The following AGMO variants were observed in gnomAD, a reference collection of about 807,000 sequenced individuals.
AGMO encodes the protein glyceryl-ether monooxygenase.
A neutral mutation model predicts 60.2 loss-of-function variants in AGMO; 75 were observed. The ratio of observed to expected loss-of-function variants is 1.25; its 90% CI spans 1.03 to 1.51. AGMO has a LOEUF of 1.51. AGMO is among the 40% of genes most tolerant of loss of function. The pLI, the probability that AGMO is intolerant of heterozygous loss-of-function variation, is 0.00. For synonymous variants in AGMO, 261 were observed against 177.1 expected (o/e 1.47, Z -3.76); for missense variants, 763 against 525.5 (o/e 1.45, Z -4.42).
intron 3 of AGMO, among the ~76,000 whole-genome samples, chr7:15,492,961 C>T (rs1783108142): frequency 6.6e-6 from 1 of 152,068 alleles, no homozygotes; most frequent in Non-Finnish European, 1.5e-5. Context: ...TATGATGGGA[C>T]ATTCAGAATG....
intron 12 of AGMO, among the ~76,000 whole-genome samples, chr7:15,265,495 T>C (rs1783406326): frequency 6.6e-6 from 1 of 152,006 alleles, no homozygotes; most frequent in Non-Finnish European, 1.5e-5. Context: ...ACAATGTTTA[T>C]ATTATTAAAA....
intron 3 of AGMO, among the ~76,000 whole-genome samples, chr7:15,447,144 A>G (rs1360342966): frequency 6.6e-6 from 1 of 152,226 alleles, no homozygotes; most frequent in Non-Finnish European, 1.5e-5. Context: ...AAGAAATTGA[A>G]AAGTCAAAGT....
chr7:15,361,026 G>A (rs1782730893), intron 12 of AGMO, among the ~76,000 whole-genome samples: 1 of 152,156 alleles, frequency 6.6e-6, no homozygotes, highest in Non-Finnish European at 1.5e-5. Context: ...TAGAATATTG[G>A]CATTTTTAAA....
chr7:15,426,824 A>C (rs1781078214), intron 4 of AGMO, among the ~76,000 whole-genome samples: 1 of 152,106 alleles, frequency 6.6e-6, no homozygotes, highest in Non-Finnish European at 1.5e-5. Flanking sequence ...AGGTAATGGC[A>C]TGTGCAAAGA....
At chr7:15,381,479 C>A (rs1006988876) in intron 10 of AGMO, among the ~76,000 whole-genome samples, 8 of 151,936 alleles carry the variant, frequency 5.3e-5, no homozygotes, top group African/African-American at 1.9e-4. Context: ...CAATGGTGTA[C>A]CATCTCCCAC....
At chr7:15,517,722 G>C (rs550368611) in intron 3 of AGMO, among the ~76,000 whole-genome samples, 1 of 152,226 alleles carries the variant, frequency 6.6e-6, no homozygotes, top group East Asian at 1.9e-4. Context: ...TGGGTTTCAA[G>C]CACAAAATTG....
At chr7:15,328,169 C>G (rs996225516) in intron 12 of AGMO, among the ~76,000 whole-genome samples, 7 of 152,050 alleles carry the variant, frequency 4.6e-5, no homozygotes, top group African/African-American at 1.7e-4. Context: ...ACAATTTTGT[C>G]TCACTGCAAC....
chr7:15,228,304 G>A (rs966603094), intron 12 of AGMO, among the ~76,000 whole-genome samples: 1 of 151,942 alleles, frequency 6.6e-6, no homozygotes, highest in Admixed American at 6.6e-5. Context: ...CTTTCCAAAC[G>A]ATAAAAATAC....
chr7:15,158,940 T>C, the AGMO span, among the ~76,000 whole-genome samples: 1 of 152,118 alleles, frequency 6.6e-6, no homozygotes, highest in Non-Finnish European at 1.5e-5. Flanking sequence ...GTATCCAGAA[T>C]TGGATTCCAT....
chr7:15,353,202 C>T (rs1782323981), intron 12 of AGMO, among the ~76,000 whole-genome samples: 1 of 152,052 alleles, frequency 6.6e-6, no homozygotes, highest in Non-Finnish European at 1.5e-5. Flanking sequence ...CGTAATTCAC[C>T]ACGCTGACGT....
At chr7:15,553,186 G>C (rs1785021744) in intron 2 of AGMO, among the ~76,000 whole-genome samples, 1 of 151,502 alleles carries the variant, frequency 6.6e-6, no homozygotes, top group East Asian at 1.9e-4. Flanking sequence ...TGGGCGGAGG[G>C]GGGAGGGATA....
At chr7:15,402,304 CT>C (rs1480085872) in intron 5 of AGMO, among the ~76,000 whole-genome samples, 1 of 151,160 alleles carries the variant, frequency 6.6e-6, no homozygotes, top group Admixed American at 6.6e-5. Flanking sequence ...ATTTTTTTCT[CT>C]TTCTTTTTCT....
chr7:15,281,879 T>G (rs997565386), intron 12 of AGMO, among the ~76,000 whole-genome samples: 3 of 152,078 alleles, frequency 2.0e-5, no homozygotes, highest in Non-Finnish European at 4.4e-5. Flanking sequence ...CAGGAGACAG[T>G]GAATTTGCTC....
At chr7:15,230,786 C>T (rs562611320) in intron 12 of AGMO, among the ~76,000 whole-genome samples, 10 of 152,220 alleles carry the variant, frequency 6.6e-5, no homozygotes, top group African/African-American at 2.2e-4. Context: ...CTCTCCCCAC[C>T]GCAGAATCCA....
At chr7:15,150,792 G>C in the AGMO span, among the ~76,000 whole-genome samples, 2 of 152,150 alleles carry the variant, frequency 1.3e-5, no homozygotes, top group East Asian at 1.9e-4. Context: ...GCCAGGTTTT[G>C]TTAGTATCAG....
intron 12 of AGMO, among the ~76,000 whole-genome samples, chr7:15,203,740 T>C (rs918587768): frequency 6.6e-6 from 1 of 152,112 alleles, no homozygotes; most frequent in Non-Finnish European, 1.5e-5. Context: ...GAACTCAAAA[T>C]TCATGTGGTT....
chr7:15,387,904 CTT>C (rs11437914), intron 8 of AGMO, among the ~76,000 whole-genome samples: 2,405 of 137,612 alleles, frequency 0.017, 77 homozygotes, highest in African/African-American at 0.062. Context: ...GACACATTCT[CTT>C]TTTTTTTTTT....
intron 12 of AGMO, among the ~76,000 whole-genome samples, chr7:15,273,865 T>C (rs1783694893): frequency 6.6e-6 from 1 of 152,220 alleles, no homozygotes; most frequent in South Asian, 2.1e-4. Flanking sequence ...TTCCTAGGTA[T>C]TTTGTTCTCT....
intron 12 of AGMO, among the ~76,000 whole-genome samples, chr7:15,320,831 C>T (rs1563085142): frequency 1.3e-5 from 2 of 152,118 alleles, no homozygotes; most frequent in Non-Finnish European, 2.9e-5. Flanking sequence ...GTTGAAACAA[C>T]TATGTTTAAC....
Sources: allele counts gnomAD v4.1 joint callset (sites outside exome capture counted in the v4.1 genomes callset), GRCh38; gene constraint gnomAD v4.1.1; transcripts MANE v1.5; gene names NCBI Gene and HGNC (gene_info 2026-07-23, HGNC 2026-07-21).